The following ST7 variants were observed in gnomAD, a reference collection of about 807,000 sequenced individuals.
ST7 encodes suppression of tumorigenicity 7, also known as suppressor of tumorigenicity 7 protein.
In ST7, 28 loss-of-function variants were observed where a neutral mutation model predicts 78.7. The observed-to-expected ratio is 0.36, with a 90% CI of 0.26 to 0.49. The LOEUF (loss-of-function observed/expected upper bound fraction) is 0.49. Among genes scored for constraint, ST7 ranks in the 20% least tolerant of loss-of-function variants. The probability of loss-of-function intolerance (pLI) is 0.99; values close to 1 mark genes in which losing one functional copy is unlikely to be tolerated. For missense variants in ST7, 418 were observed against 696.0 expected, an observed-to-expected ratio of 0.60 and a Z score of 4.49; for synonymous variants, 247 against 249.6, an observed-to-expected ratio of 0.99 and a Z score of 0.10.
chr7:116,956,402 A>G (rs1184172374), intron 1 of ST7: 2 of 459,308 alleles, frequency 4.4e-6, no homozygotes, highest in Non-Finnish European at 9.1e-6. Context: ...TTCTAACGGG[A>G]CTAACTTTGC....
rs117875784 is a variant in ST7, at chr7:117,088,205, T to C, written c.152-11557T>C. On this transcript the variant is annotated intron_variant, in intron 1 of 15. Transcript: ENST00000323984. Reference sequence around the variant, plus strand: ...ATTCATTAACCTTCTCTAACCCTCCTAGCTGGAAGTAATGTTTACTTCCTC... The same window carrying C: ...ATTCATTAACCTTCTCTAACCCTCCCAGCTGGAAGTAATGTTTACTTCCTC... Among the ~76,000 whole-genome samples, 462 of 152,292 alleles carry C rather than the reference T, an allele frequency of 3.0e-3. 1 individual carries two copies. Among genetic ancestry groups the C allele is most frequent in the Middle Eastern group, 6.8e-3 (2 of 294 alleles).
At chr7:117,119,514 C>T (rs1378964720) in intron 2 of ST7, 47 bp from the exon 3 acceptor site, 2 of 1,568,868 alleles carry the variant, frequency 1.3e-6, no homozygotes, top group African/African-American at 1.4e-5. Context: ...GTACAGAAGT[C>T]GTAAATGATA....
chr7:117,024,790 C>T (rs1461320673), intron 1 of ST7, among the ~76,000 whole-genome samples: 2 of 152,060 alleles, frequency 1.3e-5, no homozygotes, highest in African/African-American at 2.4e-5. Context: ...ACACATACTC[C>T]CTGCCATTCC....
chr7:116,961,073 T>TAC (rs1792800909), intron 1 of ST7, among the ~76,000 whole-genome samples: 1 of 152,182 alleles, frequency 6.6e-6, no homozygotes. Flanking sequence ...AGGCAATCCT[T>TAC]CTCCCATTGC....
chr7:117,176,325 C>T (rs756495956), intron 10 of ST7, among the ~76,000 whole-genome samples: 2 of 152,142 alleles, frequency 1.3e-5, no homozygotes, highest in Admixed American at 6.6e-5. Flanking sequence ...TCAAGCCCAT[C>T]CTAAATTAGC....
At chr7:117,134,680 C>T (rs1425382613) in intron 7 of ST7, among the ~76,000 whole-genome samples, 1 of 152,050 alleles carries the variant, frequency 6.6e-6, no homozygotes, top group African/African-American at 2.4e-5. Flanking sequence ...ATGTTGGCAT[C>T]TGAAGCCTTA....
At chr7:117,064,796 C>G (rs1156325411) in intron 1 of ST7, among the ~76,000 whole-genome samples, 1 of 152,086 alleles carries the variant, frequency 6.6e-6, no homozygotes, top group African/African-American at 2.4e-5. Context: ...GAGGATTCAC[C>G]TGCAAAAATT....
intron 1 of ST7, among the ~76,000 whole-genome samples, chr7:117,098,997 T>C (rs1801337035): frequency 7.7e-6 from 1 of 129,106 alleles, no homozygotes; most frequent in Non-Finnish European, 1.5e-5. Flanking sequence ...ACTCTGCCTA[T>C]GGAATAGCCA....
chr7:117,079,968 C>CTTTTTTTTTTTTTT lies in ST7; in HGVS notation c.152-19777_152-19764dup, dbSNP rs34326752. On this transcript the variant is annotated intron_variant, in intron 1 of 15. Transcript: ENST00000323984. ...AGCACTATTGGAATGTTTGTCATTC[C>CTTTTTTTTTTTTTT]TTTTTTTTTTTTTTTTTTTTTTTTT... 1.5e-4 allele frequency among the ~76,000 whole-genome samples: 10 copies of CTTTTTTTTTTTTTT among 65,436 alleles called. 4 individuals carry two copies. The highest frequency in any genetic ancestry group is 4.4e-4 in the African/African-American group (8 of 18,068). 42.9% of individuals were successfully genotyped at this position (65,436 alleles called of 152,430 possible).
chr7:116,957,851 G>A (rs1792592570), intron 1 of ST7, among the ~76,000 whole-genome samples: 1 of 152,196 alleles, frequency 6.6e-6, no homozygotes, highest in Non-Finnish European at 1.5e-5. Flanking sequence ...CAACTTTGCT[G>A]TTTTTGCAAA....
chr7:117,159,824 C>T (rs1038764823), intron 9 of ST7, among the ~76,000 whole-genome samples: 3 of 152,030 alleles, frequency 2.0e-5, no homozygotes, highest in African/African-American at 7.2e-5. Context: ...ACCCAGAAGG[C>T]GGAGGTTGCA....
At chr7:117,161,525 C>A (rs1807144803) in intron 9 of ST7, among the ~76,000 whole-genome samples, 1 of 151,114 alleles carries the variant, frequency 6.6e-6, no homozygotes, top group African/African-American at 2.4e-5. Context: ...ATCTGACCAC[C>A]ACTCACACTA....
At chr7:117,026,161 T>C (rs1796173762) in intron 1 of ST7, among the ~76,000 whole-genome samples, 1 of 152,232 alleles carries the variant, frequency 6.6e-6, no homozygotes, top group South Asian at 2.1e-4. Flanking sequence ...GTGAATAGGA[T>C]TCATTGTTGT....
intron 12 of ST7, among the ~76,000 whole-genome samples, chr7:117,197,091 A>G (rs1374454208): frequency 1.3e-5 from 2 of 152,090 alleles, no homozygotes; most frequent in Admixed American, 1.3e-4. Context: ...CTGGAGTGCA[A>G]TGACACAATC....
Position 117,185,388 on chromosome 7 carries a change from T to TA in ST7, c.1079-3926dup, listed in dbSNP as rs548632315. Among the ~76,000 whole-genome samples, 14 of 152,228 alleles carry TA rather than the reference T, an allele frequency of 9.2e-5. No homozygotes were observed. In the East Asian group the frequency reaches 1.9e-3, roughly 21 times the overall value. On this transcript the variant is annotated intron_variant, in intron 10 of 15. Transcript: ENST00000323984. Reference sequence around the variant, plus strand: ...TCTTCCCTCTAGCATCATTATCTGCTAAAAAAACAGTTACTGCATGTACAT... The same window carrying TA: ...TCTTCCCTCTAGCATCATTATCTGCTAAAAAAAACAGTTACTGCATGTACAT...
chr7:117,122,968 G>A (rs1179373758), intron 3 of ST7, among the ~76,000 whole-genome samples: 1 of 152,160 alleles, frequency 6.6e-6, no homozygotes, highest in Non-Finnish European at 1.5e-5. Flanking sequence ...AGGGTTATCA[G>A]TGTATTTTCT....
At chr7:117,022,741 A>G (rs1795988574) in intron 1 of ST7, among the ~76,000 whole-genome samples, 1 of 152,104 alleles carries the variant, frequency 6.6e-6, no homozygotes, top group Admixed American at 6.6e-5. Flanking sequence ...ATTTTTTTCT[A>G]ACTTATTCTG....
At chr7:116,972,215 A>G in intron 1 of ST7, 1 of 541,400 alleles carries the variant, frequency 1.8e-6, no homozygotes. Context: ...TTTTGTGTAC[A>G]GAGGCGCTGT....
intron 1 of ST7, chr7:116,958,645 T>C (rs1461865987): frequency 8.5e-6 from 4 of 471,242 alleles, no homozygotes; most frequent in Non-Finnish European, 1.8e-5. Flanking sequence ...CAGGCTTACC[T>C]TGGAGATATT....
Sources: allele counts gnomAD v4.1 joint callset (sites outside exome capture counted in the v4.1 genomes callset), GRCh38; gene constraint gnomAD v4.1.1; transcripts MANE v1.5; gene names NCBI Gene and HGNC (gene_info 2026-07-23, HGNC 2026-07-21).